The following COL23A1 variants were observed in gnomAD, a reference collection of about 807,000 sequenced individuals.
COL23A1 encodes the protein collagen type XXIII alpha 1 chain, also known as collagen alpha-1(XXIII) chain.
COL23A1 carries 97 observed loss-of-function variants against 99.3 expected under a neutral mutation model. That is an observed-to-expected ratio of 0.98 (90% CI 0.83 to 1.16). The LOEUF (loss-of-function observed/expected upper bound fraction) is 1.16, where lower values mean the gene tolerates loss of function less well. Among genes scored for constraint, COL23A1 ranks in the 50% most tolerant of loss-of-function variants. The pLI, the probability that COL23A1 is intolerant of heterozygous loss-of-function variation, is 0.00. For missense variants in COL23A1, 762 were observed against 757.4 expected (o/e 1.01, Z -0.07); for synonymous variants, 320 against 308.2 (o/e 1.04, Z -0.40).
rs1562073114 is a variant in COL23A1, at chr5:178,544,522, AC to A, written c.361+16159del. Reference sequence around the variant, plus strand: ...CCAGAAAACAGCAAGACCGGTGGCCACCCCCGCTGTGAGTACTCTGAGGCCC... The same window carrying A: ...CCAGAAAACAGCAAGACCGGTGGCCACCCCGCTGTGAGTACTCTGAGGCCC... On this transcript the variant is annotated intron_variant, in intron 2 of 28. Coordinates refer to ENST00000390654, the MANE Select transcript of COL23A1 (RefSeq NM_173465.4). This position sits in a 1 kb window ranked among gnomAD's most constrained non-coding sequence, Gnocchi z 4.4. 6.6e-6 allele frequency among the ~76,000 whole-genome samples: 1 copy of A among 151,938 alleles called. No individual in the cohort carries two copies. Among genetic ancestry groups the A allele is most frequent in the African/African-American group, 2.4e-5 (1 of 41,354 alleles).
rs1760566730 is a variant in COL23A1, at chr5:178,340,052, G to A, written c.362-33133C>T. Among the ~76,000 whole-genome samples, 1 of 152,146 alleles carries A rather than the reference G, an allele frequency of 6.6e-6. No homozygotes were observed. Among genetic ancestry groups the A allele is most frequent in the Non-Finnish European group, 1.5e-5 (1 of 68,032 alleles). On this transcript the variant is annotated intron_variant, in intron 2 of 28. Transcript: ENST00000390654. This position sits in a 1 kb window ranked among gnomAD's most constrained non-coding sequence, Gnocchi z 4.7. ...GAGATGAGTAGAGGGATGAGGGGTC[G>A]ATGAATGGATGGACGGGTTAGGGAG...
At chr5:178,259,036 C>T (rs1765489985) in intron 12 of COL23A1, among the ~76,000 whole-genome samples, 1 of 151,878 alleles carries the variant, frequency 6.6e-6, no homozygotes, top group Admixed American at 6.6e-5. Flanking sequence ...CCAGCCTCAG[C>T]CTCCAGAGTA....
chr5:178,471,469 C>A (rs1475801720), intron 2 of COL23A1, among the ~76,000 whole-genome samples: 1 of 152,106 alleles, frequency 6.6e-6, no homozygotes, highest in Non-Finnish European at 1.5e-5. Context: ...GAACTCCTGA[C>A]CTCAGGTGAT....
Position 178,262,113 on chromosome 5 carries a change from CAT to C in COL23A1, c.675+102_675+103del, listed in dbSNP as rs956244489. On this transcript the variant is annotated intron_variant, in intron 10 of 28. Coordinates refer to ENST00000390654, the MANE Select transcript of COL23A1 (RefSeq NM_173465.4). ...GCAGAGGCGCGCGCACACACATAAA[CAT>C]GTGCGCGTGACCCTGCTGTCGGCGT... 2.4e-5 allele frequency: 30 copies of C among 1,232,388 alleles called. No homozygotes were observed. The African/African-American group carries it at 2.9e-4, about 12-fold the overall frequency. The allele number at this position is 1,232,388 out of a possible 1,614,324, so 76.3% of individuals were successfully genotyped here.
chr5:178,571,881 A>G (rs899985605), intron 1 of COL23A1, among the ~76,000 whole-genome samples: 6 of 152,118 alleles, frequency 3.9e-5, no homozygotes, highest in Non-Finnish European at 5.9e-5. Context: ...CATCCTGGCT[A>G]ACACGGTGAA....
chr5:178,250,178 G>A (rs1764958261), intron 17 of COL23A1, 73 bp from the exon 18 acceptor site: 1 of 1,575,070 alleles, frequency 6.3e-7, no homozygotes, highest in Non-Finnish European at 8.7e-7. Context: ...AGAGGGCCAG[G>A]ACACACTGTG....
chr5:178,552,926 T>C lies in COL23A1; in HGVS notation c.361+7756A>G, dbSNP rs528707127. Among the ~76,000 whole-genome samples the C allele has an allele frequency of 6.6e-5, 10 of 152,208 alleles. No homozygotes were observed. In the East Asian group the frequency reaches 1.9e-3, roughly 30 times the overall value. On this transcript the variant is annotated intron_variant, in intron 2 of 28. Transcript: ENST00000390654. ...GATTTCACCATGTTGGCCAGGATGG[T>C]CTTGATCTTCTGACCTTGTGATCCC...
rs545339267 is a variant in COL23A1, at chr5:178,280,036, G to A, written c.441+8288C>T. ...AATGCCGAAGCGCCTCGTACATAAC[G>A]AGAACACAGTAAATACCCGCTGAAT... On this transcript the variant is annotated intron_variant, in intron 5 of 28. Transcript: ENST00000390654. This position sits in a 1 kb window ranked among gnomAD's most constrained non-coding sequence, Gnocchi z 4.9. Among the ~76,000 whole-genome samples, 7 of 152,368 alleles carry A rather than the reference G, an allele frequency of 4.6e-5. No individual in the cohort carries two copies. In the South Asian group the frequency reaches 6.2e-4, roughly 14 times the overall value.
At chr5:178,337,532 G>C (rs951381810) in intron 2 of COL23A1, among the ~76,000 whole-genome samples, 2 of 152,224 alleles carry the variant, frequency 1.3e-5, no homozygotes, top group Non-Finnish European at 2.9e-5. Flanking sequence ...GAAAGACAGA[G>C]AGACGGAGTG....
At position 178,476,413 on chromosome 5, in the gene COL23A1, T is replaced by G. The variant is rs74457165; in HGVS notation, c.361+84269A>C. Among the ~76,000 whole-genome samples, 1,169 of 152,344 alleles carry G rather than the reference T, an allele frequency of 7.7e-3. 16 individuals carry two copies. Among genetic ancestry groups the G allele is most frequent in the African/African-American group, 0.027 (1,118 of 41,564 alleles). Reference sequence around the variant, plus strand: ...CCTTTACTGACAATCTGGATTTGTGTGCCTCTTCTTTGGTTTTTTGGCTCC... The same window carrying G: ...CCTTTACTGACAATCTGGATTTGTGGGCCTCTTCTTTGGTTTTTTGGCTCC... On this transcript the variant is annotated intron_variant, in intron 2 of 28. Coordinates refer to ENST00000390654, the MANE Select transcript of COL23A1 (RefSeq NM_173465.4).
At chr5:178,258,848 C>T (rs941504769) in intron 12 of COL23A1, among the ~76,000 whole-genome samples, 1 of 151,906 alleles carries the variant, frequency 6.6e-6, no homozygotes, top group Non-Finnish European at 1.5e-5. Context: ...ATGCATGCCA[C>T]TGCACCTGGC....
intron 2 of COL23A1, among the ~76,000 whole-genome samples, chr5:178,399,674 C>T (rs1157176240): frequency 6.6e-6 from 1 of 152,140 alleles, no homozygotes; most frequent in Non-Finnish European, 1.5e-5. Context: ...GCAAAACAAA[C>T]AAGCAAGCCA....
intron 2 of COL23A1, among the ~76,000 whole-genome samples, chr5:178,347,895 A>C (rs903967715): frequency 2.3e-5 from 1 of 44,362 alleles, no homozygotes; most frequent in Non-Finnish European, 4.2e-5. Context: ...AAAAAAAAAA[A>C]AACCCAAAAA....
intron 3 of COL23A1, among the ~76,000 whole-genome samples, chr5:178,301,804 G>C (rs1463290621): frequency 6.6e-6 from 1 of 152,128 alleles, no homozygotes; most frequent in Non-Finnish European, 1.5e-5. Flanking sequence ...CTCTGTGTGC[G>C]CCGGAGCACG....
chr5:178,311,495 TGTGTGTGTGTGCGC>T lies in COL23A1; in HGVS notation c.362-4590_362-4577del, dbSNP rs970959270. ...GTGGGTTCTTTCCTCTGTGTGTGTG[TGTGTGTGTGTGCGC>T]GTGTGTGTGTGTGTGTGTGTGTAAT... On this transcript the variant is annotated intron_variant, in intron 2 of 28. Transcript: ENST00000390654. Among the ~76,000 whole-genome samples the T allele has an allele frequency of 2.2e-3, 21 of 9,744 alleles. No homozygotes were observed. The South Asian group carries it at 0.028, about 13-fold the overall frequency. 6.4% of individuals were successfully genotyped at this position (9,744 alleles called of 152,430 possible). A position where few individuals can be genotyped will look rare whatever the true frequency, so the allele number is the denominator to read the frequency against.
intron 2 of COL23A1, among the ~76,000 whole-genome samples, chr5:178,455,517 T>G (rs1056010712): frequency 3.3e-5 from 5 of 152,140 alleles, no homozygotes; most frequent in Admixed American, 1.3e-4. Context: ...AAGGCAGCTC[T>G]CAGGCCACAG....
chr5:178,358,050 G>A (rs573710764), intron 2 of COL23A1, among the ~76,000 whole-genome samples: 2 of 94,650 alleles, frequency 2.1e-5, no homozygotes, highest in African/African-American at 8.9e-5. Context: ...GTGTATGTAT[G>A]TCTAATGTAT....
chr5:178,261,408 C>T (rs1765616540), intron 11 of COL23A1, among the ~76,000 whole-genome samples: 1 of 151,696 alleles, frequency 6.6e-6, no homozygotes, highest in African/African-American at 2.4e-5. Context: ...TGAGACTCTG[C>T]CTCAAAAGAA....
In COL23A1 at chr5:178,571,852, A is replaced by G. The variant is rs374435946; in HGVS notation, c.295-11104T>C. On this transcript the variant is annotated intron_variant, in intron 1 of 28. Transcript: ENST00000390654. ...TGGGAGGCCGAGGCGGGCGGATCAC[A>G]AGGTCAGGAGATTGAGACCATCCTG... Among the ~76,000 whole-genome samples the G allele has an allele frequency of 6.3e-3, 960 of 152,196 alleles. 7 individuals are homozygous for G. The highest frequency in any genetic ancestry group is 0.019 in the African/African-American group (776 of 41,520).
Sources: allele counts gnomAD v4.1 joint callset (sites outside exome capture counted in the v4.1 genomes callset), GRCh38; gene constraint gnomAD v4.1.1; non-coding constraint Gnocchi (gnomAD v3.1); transcripts MANE v1.5; gene names NCBI Gene and HGNC (gene_info 2026-07-23, HGNC 2026-07-21).